Variants in CSTF2 observed in about 807,000 individuals in gnomAD.
CSTF2 encodes cleavage stimulation factor subunit 2.
Under a neutral mutation model 45.4 loss-of-function variants are expected in CSTF2, and 8 were observed. The observed-to-expected ratio is 0.18, with a 90% CI of 0.10 to 0.32. The LOEUF is 0.32. CSTF2 is among the 10% of genes least tolerant of loss of function. The probability of loss-of-function intolerance (pLI) is 1.00; values close to 1 mark genes in which losing one functional copy is unlikely to be tolerated. For missense variants in CSTF2, 253 were observed against 477.1 expected (o/e 0.53, Z 4.38); for synonymous variants, 155 against 158.9 (o/e 0.98, Z 0.18).
At chrX:100,828,176 C>G in intron 8 of CSTF2, 74 bp downstream of exon 8, 1 of 744,441 alleles carries the variant, frequency 1.3e-6, no homozygotes. Context: ...TCTAATATGG[C>G]AGCCACTAAC....
chrX:100,822,569 C>A, intron 3 of CSTF2, 149 bp downstream of exon 3: 2 of 523,301 alleles, frequency 3.8e-6, no homozygotes, highest in Non-Finnish European at 6.3e-6. Flanking sequence ...CTGAGTTAGG[C>A]AAGTATTATA....
chrX:100,836,104 A>G (rs938464309), intron 11 of CSTF2, among the ~76,000 whole-genome samples: 58 of 112,472 alleles, frequency 5.2e-4, no homozygotes, highest in African/African-American at 1.6e-3. Context: ...CTAGCAGTCT[A>G]TACAAATCTG....
At chrX:100,833,125 T>TA in intron 10 of CSTF2, 55 bp from the exon 11 acceptor site, 1 of 1,125,127 alleles carries the variant, frequency 8.9e-7, no homozygotes, top group Non-Finnish European at 1.2e-6. Context: ...TGTTCATCAT[T>TA]CTTGCAGTAC....
chrX:100,832,682 TTTG>T (rs2084983001), intron 9 of CSTF2, 49 bp from the exon 10 acceptor site: 6 of 1,104,024 alleles, frequency 5.4e-6, no homozygotes, highest in Non-Finnish European at 7.3e-6. Flanking sequence ...TGGTTGGTAC[TTTG>T]TTGTTGTTTT....
chrX:100,833,830 C>T (rs1275499807), intron 11 of CSTF2, among the ~76,000 whole-genome samples: 1 of 111,876 alleles, frequency 8.9e-6, no homozygotes, highest in African/African-American at 3.3e-5. Flanking sequence ...AACTCAGAAT[C>T]TCTTATTAGT....
In CSTF2 at chrX:100,820,598, G is replaced by A. The variant is rs754143967; in HGVS notation, c.58+124G>A. On this transcript the variant is annotated intron_variant, in intron 1 of 13. Coordinates refer to ENST00000372972, the MANE Select transcript of CSTF2 (RefSeq NM_001325.3). The stretch of plus-strand genomic sequence containing the variant: ...CAGTTCTCCCTGCTTATCCTGTAGG[G>A]CGTCCAACCTGGTGGACTCATGAGC... 4.2e-6 allele frequency: 3 copies of A among 716,693 alleles called. No homozygotes were observed. The Admixed American group carries it at 7.4e-5, about 18-fold the overall frequency. 59.1% of individuals were successfully genotyped at this position (716,693 alleles called of 1,213,427 possible). A position where few individuals can be genotyped will look rare whatever the true frequency, so the allele number is the denominator to read the frequency against.
At chrX:100,822,223 G>C in intron 2 of CSTF2, 28 bp from the exon 3 acceptor site, 6 of 1,180,537 alleles carry the variant, frequency 5.1e-6, no homozygotes, top group Non-Finnish European at 6.9e-6. Context: ...TGTAACATTT[G>C]TTCCTGACAC....
intron 4 of CSTF2, 84 bp from the exon 5 acceptor site, chrX:100,823,802 T>TA: frequency 9.6e-7 from 1 of 1,040,136 alleles, no homozygotes; most frequent in South Asian, 2.3e-5. Context: ...TCTTGAATAT[T>TA]ACATTTCTCA....
At chrX:100,830,676 C>A in intron 8 of CSTF2, 1 of 480,857 alleles carries the variant, frequency 2.1e-6, no homozygotes. Context: ...TAGCCTGGAG[C>A]AAGCCGATGA....
In CSTF2 at chrX:100,838,056, A is replaced by T. The variant is rs1213778340; in HGVS notation, c.1612-183A>T. 9.4e-6 allele frequency among the ~76,000 whole-genome samples: 1 copy of T among 106,027 alleles called. No individual in the cohort carries two copies. The highest frequency in any genetic ancestry group is 3.0e-4 in the East Asian group (1 of 3,325). The allele number at this position is 106,027 out of a possible 115,157, so 92.1% of individuals were successfully genotyped here. On this transcript the variant is annotated intron_variant, in intron 12 of 13. Transcript: ENST00000372972. The stretch of plus-strand genomic sequence containing the variant: ...TCTCACCAGTTTTTTTTTATTTTTT[A>T]TTTTTTTTGGAGGGGGGCTGTTGGT...
chrX:100,821,637 T>G (rs1442149471), intron 2 of CSTF2, 32 bp downstream of exon 2: 3 of 1,063,514 alleles, frequency 2.8e-6, no homozygotes, highest in Non-Finnish European at 3.9e-6. Context: ...TGGTGGGAGC[T>G]TCTTAAAAAT....
In CSTF2 at chrX:100,834,632, G is replaced by A. The variant is rs1004212624; in HGVS notation, c.1500+1160G>A. Among the ~76,000 whole-genome samples, 4 of 111,935 alleles carry A rather than the reference G, an allele frequency of 3.6e-5. No individual in the cohort carries two copies. The Admixed American group carries it at 3.8e-4, about 11-fold the overall frequency. On this transcript the variant is annotated intron_variant, in intron 11 of 13. Transcript: ENST00000372972. The stretch of plus-strand genomic sequence containing the variant: ...CTTGATTTTTATTGTACTCTCTATG[G>A]TCAGTAGCCTAGTAACAGAAATGGT...
intron 8 of CSTF2, among the ~76,000 whole-genome samples, chrX:100,830,252 C>T (rs937878299): frequency 8.9e-6 from 1 of 111,915 alleles, no homozygotes; most frequent in African/African-American, 3.3e-5. Context: ...TCTCTTTCAT[C>T]ATGTAAAGTT....
chrX:100,839,855 A>G (rs1416778957), intron 13 of CSTF2, among the ~76,000 whole-genome samples: 1 of 112,272 alleles, frequency 8.9e-6, no homozygotes, highest in East Asian at 2.8e-4. Flanking sequence ...AGAGGTAGAA[A>G]TGTTTCTGAA....
At chrX:100,822,455 T>C (rs2084923666) in intron 3 of CSTF2, 35 bp downstream of exon 3, 1 of 1,163,318 alleles carries the variant, frequency 8.6e-7, no homozygotes, top group Non-Finnish European at 1.2e-6. Context: ...CAGTATGAGT[T>C]AGTAAAGATG....
intron 3 of CSTF2, chrX:100,822,641 C>T (rs1425666897): frequency 5.0e-6 from 2 of 401,852 alleles, no homozygotes; most frequent in Non-Finnish European, 8.7e-6. Context: ...ATTTCTATAC[C>T]CTTGCTCTGG....
At chrX:100,835,317 G>C (rs780480004) in intron 11 of CSTF2, among the ~76,000 whole-genome samples, 130 of 105,876 alleles carry the variant, frequency 1.2e-3, no homozygotes, top group African/African-American at 4.4e-3. Context: ...TGTAGTCCCA[G>C]CTACTCTGGA....
chrX:100,822,218 C>T (rs749921971), intron 2 of CSTF2, 33 bp from the exon 3 acceptor site: 1 of 1,164,654 alleles, frequency 8.6e-7, no homozygotes, highest in South Asian at 1.9e-5. Context: ...ATGTGTGTAA[C>T]ATTTGTTCCT....
Position 100,828,109 on chromosome X carries a change from A to C in CSTF2, c.889+7A>C, listed in dbSNP as rs776726269. 1 of 1,188,496 alleles carries C rather than the reference A, an allele frequency of 8.4e-7. No individual in the cohort carries two copies. Among genetic ancestry groups the C allele is most frequent in the South Asian group, 1.9e-5 (1 of 54,010 alleles). On this transcript the variant is annotated splice_region_variant and intron_variant, in intron 8 of 13. Coordinates refer to ENST00000372972, the MANE Select transcript of CSTF2 (RefSeq NM_001325.3). ...TCCATGGAACGGGGGCAAGGTAAAT[A>C]AATATTAATGTCTGACTAATGTTAA...
Sources: gnomAD v4.1 joint callset for allele counts (sites outside exome capture counted in the v4.1 genomes callset) on GRCh38, gnomAD v4.1.1 for gene constraint, MANE v1.5 for transcripts, NCBI Gene and HGNC (gene_info 2026-07-23, HGNC 2026-07-21) for gene names.